The following NXPH1 variants were observed in gnomAD, a reference collection of about 807,000 sequenced individuals.
NXPH1 encodes the protein neurexophilin-1.
In NXPH1, 5 loss-of-function variants were observed where a neutral mutation model predicts 23.7. The ratio of observed to expected loss-of-function variants is 0.21; its 90% CI spans 0.11 to 0.44. The LOEUF is 0.44. NXPH1 is among the 20% of genes least tolerant of loss of function. The pLI, the probability that NXPH1 is intolerant of heterozygous loss-of-function variation, is 0.99. For missense variants in NXPH1, 324 were observed against 321.6 expected, an observed-to-expected ratio of 1.01 and a Z score of -0.06; for synonymous variants, 144 against 122.2, an observed-to-expected ratio of 1.18 and a Z score of -1.18.
At chr7:8,565,515 G>A (rs1818527693) in intron 2 of NXPH1, among the ~76,000 whole-genome samples, 2 of 138,072 alleles carry the variant, frequency 1.4e-5, no homozygotes, top group Non-Finnish European at 1.6e-5. Flanking sequence ...AAATATAAAG[G>A]AGAGAGGGTT....
At chr7:8,473,443 AG>A (rs919806487) in intron 2 of NXPH1, among the ~76,000 whole-genome samples, 1 of 152,136 alleles carries the variant, frequency 6.6e-6, no homozygotes, top group Non-Finnish European at 1.5e-5. Context: ...GCTAAGCTCT[AG>A]TGTCCTATAC....
At chr7:8,456,046 G>A (rs1334372013) in intron 2 of NXPH1, among the ~76,000 whole-genome samples, 6 of 152,150 alleles carry the variant, frequency 3.9e-5, no homozygotes, top group African/African-American at 1.4e-4. Flanking sequence ...GCCAGGCATG[G>A]GTAAGTCATT....
At chr7:8,695,498 C>T (rs1165595621) in intron 2 of NXPH1, among the ~76,000 whole-genome samples, 3 of 152,154 alleles carry the variant, frequency 2.0e-5, no homozygotes, top group Non-Finnish European at 1.5e-5. Context: ...TTGCTAAACA[C>T]CTCTTTATCC....
intron 2 of NXPH1, among the ~76,000 whole-genome samples, chr7:8,705,826 A>G (rs1779695970): frequency 6.6e-6 from 1 of 152,180 alleles, no homozygotes; most frequent in Admixed American, 6.6e-5. Flanking sequence ...TCTCTCTGCC[A>G]TAATTCAGTC....
At chr7:8,584,181 A>G (rs566593785) in intron 2 of NXPH1, among the ~76,000 whole-genome samples, 65 of 152,210 alleles carry the variant, frequency 4.3e-4, no homozygotes, top group Non-Finnish European at 7.8e-4. Context: ...AGGTGAAACA[A>G]CTTGCTGAAT....
At chr7:8,693,188 A>G (rs1821249611) in intron 2 of NXPH1, among the ~76,000 whole-genome samples, 1 of 152,194 alleles carries the variant, frequency 6.6e-6, no homozygotes, top group African/African-American at 2.4e-5. Context: ...AAACAAAAAC[A>G]AAAACAAAAA....
At chr7:8,589,821 G>C (rs1277251311) in intron 2 of NXPH1, among the ~76,000 whole-genome samples, 1 of 152,022 alleles carries the variant, frequency 6.6e-6, no homozygotes, top group African/African-American at 2.4e-5. Context: ...CCAGTAGATA[G>C]ATAGCCACCA....
chr7:8,468,506 T>G lies in NXPH1; in HGVS notation c.54+32739T>G, dbSNP rs557841281. On this transcript the variant is annotated intron_variant, in intron 2 of 2. Transcript: ENST00000405863. ...ATATAAAATCTTTTGCTTTGCTTTTTGGTTTTGAATTTGTGTTGTGTAATC... is the reference window on the plus strand; with the variant it reads ...ATATAAAATCTTTTGCTTTGCTTTTGGGTTTTGAATTTGTGTTGTGTAATC... 2.2e-4 allele frequency among the ~76,000 whole-genome samples: 33 copies of G among 152,258 alleles called. No individual in the cohort carries two copies. In the South Asian group the frequency reaches 6.0e-3, roughly 28 times the overall value.
chr7:8,607,889 C>T (rs1161223955), intron 2 of NXPH1, among the ~76,000 whole-genome samples: 2 of 152,202 alleles, frequency 1.3e-5, no homozygotes, highest in Non-Finnish European at 2.9e-5. Context: ...TCCAATATGA[C>T]TGGTGCCCTC....
chr7:8,581,063 T>C (rs2128623665), intron 2 of NXPH1, among the ~76,000 whole-genome samples: 1 of 152,302 alleles, frequency 6.6e-6, no homozygotes, highest in Admixed American at 6.5e-5. Context: ...ACATTCACCT[T>C]CCACCTCTAC....
At chr7:8,739,642 C>A (rs574458698) in intron 2 of NXPH1, among the ~76,000 whole-genome samples, 2 of 152,020 alleles carry the variant, frequency 1.3e-5, no homozygotes, top group Admixed American at 6.6e-5. Flanking sequence ...TTTAAAATAA[C>A]CTTAGCATAC....
chr7:8,591,369 C>A (rs957067729), intron 2 of NXPH1, among the ~76,000 whole-genome samples: 29 of 151,958 alleles, frequency 1.9e-4, no homozygotes, highest in African/African-American at 5.3e-4. Flanking sequence ...ATTCTAGAGA[C>A]CTTGTTTTTA....
At chr7:8,742,889 T>G (rs1295957046) in intron 2 of NXPH1, among the ~76,000 whole-genome samples, 1 of 152,200 alleles carries the variant, frequency 6.6e-6, no homozygotes, top group Non-Finnish European at 1.5e-5. Context: ...TTTGGACAAG[T>G]GCTATTTGAG....
chr7:8,623,634 A>G (rs1218473799), intron 2 of NXPH1, among the ~76,000 whole-genome samples: 3 of 85,784 alleles, frequency 3.5e-5, no homozygotes, highest in Non-Finnish European at 7.2e-5. Flanking sequence ...TGAACTGTCA[A>G]TTTTTAGTTT....
At chr7:8,687,456 G>T (rs148223400) in intron 2 of NXPH1, among the ~76,000 whole-genome samples, 114 of 152,190 alleles carry the variant, frequency 7.5e-4, no homozygotes, top group Non-Finnish European at 5.7e-4. Flanking sequence ...TAGACATTTG[G>T]TTGGGAAAAA....
chr7:8,492,537 G>A (rs182988833), intron 2 of NXPH1, among the ~76,000 whole-genome samples: 80 of 151,996 alleles, frequency 5.3e-4, no homozygotes, highest in African/African-American at 1.9e-3. Flanking sequence ...GACAGGTTTT[G>A]GGGGACACAA....
At chr7:8,481,551 A>T (rs1460523774) in intron 2 of NXPH1, among the ~76,000 whole-genome samples, 1 of 152,254 alleles carries the variant, frequency 6.6e-6, no homozygotes, top group Non-Finnish European at 1.5e-5. Flanking sequence ...ATTTAGAGAC[A>T]TCTACCAGAT....
chr7:8,679,650 A>G (rs1250518559), intron 2 of NXPH1, among the ~76,000 whole-genome samples: 1 of 152,228 alleles, frequency 6.6e-6, no homozygotes, highest in African/African-American at 2.4e-5. Context: ...ATTTGTGATC[A>G]AATGTGTCTG....
chr7:8,721,543 A>C (rs879508799), intron 2 of NXPH1, among the ~76,000 whole-genome samples: 4 of 152,210 alleles, frequency 2.6e-5, no homozygotes, highest in Non-Finnish European at 5.9e-5. Flanking sequence ...TGGGAGGCCG[A>C]GGTGGGTGGA....
Sources: gnomAD v4.1 joint callset for allele counts (sites outside exome capture counted in the v4.1 genomes callset) on GRCh38, gnomAD v4.1.1 for gene constraint, MANE v1.5 for transcripts, NCBI Gene and HGNC (gene_info 2026-07-23, HGNC 2026-07-21) for gene names.